The following NBEA variants were observed in gnomAD, a reference collection of about 807,000 sequenced individuals.
The protein encoded by NBEA is neurobeachin.
A neutral mutation model predicts 343.4 loss-of-function variants in NBEA; 44 were observed. The ratio of observed to expected loss-of-function variants is 0.13; its 90% CI spans 0.10 to 0.16. NBEA has a LOEUF of 0.16. Among genes scored for constraint, NBEA ranks in the 10% least tolerant of loss-of-function variants. The probability of loss-of-function intolerance (pLI) is 1.00; values close to 1 mark genes in which losing one functional copy is unlikely to be tolerated. For synonymous variants in NBEA, 1,175 were observed against 1,238.7 expected (o/e 0.95, Z 1.08); for missense variants, 2,555 against 3,631.3 (o/e 0.70, Z 7.62).
intron 39 of NBEA, among the ~76,000 whole-genome samples, chr13:35,447,345 AT>A (rs2046096391): frequency 6.6e-6 from 1 of 152,158 alleles, no homozygotes; most frequent in Admixed American, 6.5e-5. Flanking sequence ...TACTAGAAAC[AT>A]TTTAGTTCTG....
intron 13 of NBEA, among the ~76,000 whole-genome samples, chr13:35,113,102 G>A (rs1307849690): frequency 3.3e-5 from 5 of 152,064 alleles, no homozygotes; most frequent in African/African-American, 1.2e-4. Flanking sequence ...TAGTTTTTTA[G>A]TATTTCCTTG....
At chr13:35,539,915 CAAAAAAAAA>C (rs71081262) in intron 41 of NBEA, among the ~76,000 whole-genome samples, 23 of 39,614 alleles carry the variant, frequency 5.8e-4, no homozygotes, top group African/African-American at 2.5e-3. Context: ...GACTCCGTCT[CAAAAAAAAA>C]AAAAAAAAAA....
intron 38 of NBEA, among the ~76,000 whole-genome samples, chr13:35,409,928 G>A (rs1046052844): frequency 6.6e-6 from 1 of 151,956 alleles, no homozygotes; most frequent in Non-Finnish European, 1.5e-5. Flanking sequence ...TAATTATTAA[G>A]TATAGGTTAT....
chr13:34,955,307 A>G (rs535291358), intron 1 of NBEA, among the ~76,000 whole-genome samples: 20 of 152,138 alleles, frequency 1.3e-4, no homozygotes, highest in South Asian at 6.2e-4. Flanking sequence ...GCTAGAGTCA[A>G]GATACTTCTT....
Position 35,032,444 on chromosome 13 carries a change from G to A in NBEA, c.295-8489G>A, listed in dbSNP as rs183048326. 1.7e-3 allele frequency among the ~76,000 whole-genome samples: 257 copies of A among 151,884 alleles called. 1 individual carries two copies. Among genetic ancestry groups the A allele is most frequent in the Admixed American group, 4.7e-3 (72 of 15,230 alleles). ...TCATAAGCTTGTTGGCCACACTTATGTCTTCTTTTGAAAAGTGTCTGTTCA... is the reference window on the plus strand; with the variant it reads ...TCATAAGCTTGTTGGCCACACTTATATCTTCTTTTGAAAAGTGTCTGTTCA... On this transcript the variant is annotated intron_variant, in intron 1 of 58. Coordinates refer to ENST00000379939, the MANE Select transcript of NBEA (RefSeq NM_001385012.1).
At chr13:35,343,506 A>G (rs543599741) in intron 36 of NBEA, among the ~76,000 whole-genome samples, 72 of 152,220 alleles carry the variant, frequency 4.7e-4, no homozygotes, top group African/African-American at 1.5e-3. Context: ...GGGGTCCCCA[A>G]TCCCTGGGCC....
chr13:35,045,515 T>A, intron 4 of NBEA, 114 bp downstream of exon 4: 1 of 793,004 alleles, frequency 1.3e-6, no homozygotes. Context: ...ACTTGATGAG[T>A]TTGGAAGTCA....
intron 41 of NBEA, among the ~76,000 whole-genome samples, chr13:35,544,569 A>G (rs2078983018): frequency 6.6e-6 from 1 of 152,212 alleles, no homozygotes; most frequent in African/African-American, 2.4e-5. Flanking sequence ...TAGGTGGTTT[A>G]CAAGGGATTT....
At chr13:35,183,940 GC>G in intron 29 of NBEA, 35 bp from the exon 30 acceptor site, 1 of 1,526,392 alleles carries the variant, frequency 6.6e-7, no homozygotes, top group Non-Finnish European at 9.0e-7. Context: ...GTTGTTACAT[GC>G]TGGCTCAAAT....
intron 34 of NBEA, among the ~76,000 whole-genome samples, chr13:35,256,756 A>G (rs556384497): frequency 2.0e-5 from 3 of 152,216 alleles, no homozygotes; most frequent in African/African-American, 4.8e-5. Context: ...GGTCGTGACA[A>G]TGCCTGGGTG....
chr13:35,334,247 A>T (rs2039108058), intron 36 of NBEA, among the ~76,000 whole-genome samples: 2 of 152,080 alleles, frequency 1.3e-5, no homozygotes, highest in Non-Finnish European at 1.5e-5. Context: ...TTTAACTGGC[A>T]TGAGATGGTA....
rs1036722535 is a variant in NBEA, at chr13:35,232,247, C to G, written c.5649-245C>G. Among the ~76,000 whole-genome samples, 11 of 152,230 alleles carry G rather than the reference C, an allele frequency of 7.2e-5. No homozygotes were observed. In the Middle Eastern group the frequency reaches 0.01, roughly 141 times the overall value. On this transcript the variant is annotated intron_variant, in intron 33 of 58. Transcript: ENST00000379939. The stretch of plus-strand genomic sequence containing the variant: ...ATAGAGCGGTGGACAGTCTTTGGCC[C>G]TTTCGGGTGGCATAACCCCAATTCT...
intron 36 of NBEA, among the ~76,000 whole-genome samples, chr13:35,335,794 C>T (rs1376083947): frequency 6.6e-6 from 1 of 151,938 alleles, no homozygotes; most frequent in Non-Finnish European, 1.5e-5. Context: ...TTGGGAGGAA[C>T]AGCTTGGAAA....
At chr13:34,962,232 AAT>A (rs750450081) in intron 1 of NBEA, among the ~76,000 whole-genome samples, 3 of 152,002 alleles carry the variant, frequency 2.0e-5, no homozygotes, top group Non-Finnish European at 4.4e-5. Context: ...AAGAAACTAA[AAT>A]ATATTCTAGC....
At chr13:35,535,449 G>A (rs1403067488) in intron 41 of NBEA, among the ~76,000 whole-genome samples, 1 of 152,200 alleles carries the variant, frequency 6.6e-6, no homozygotes, top group Non-Finnish European at 1.5e-5. Flanking sequence ...CACAGAACCA[G>A]AGACTGGATC....
intron 31 of NBEA, among the ~76,000 whole-genome samples, chr13:35,206,010 G>A (rs2152748891): frequency 6.6e-6 from 1 of 152,112 alleles, no homozygotes; most frequent in Non-Finnish European, 1.5e-5. Flanking sequence ...AGAATTCTGT[G>A]CCATACTGTC....
rs925555345 is a variant in NBEA, at chr13:35,155,656, A to T, written c.2446-118A>T. ...AAAGAAAAAAGTCCCTTTAGAAGAG[A>T]TGTTTCTTTTGGTTTGGACTGCATT... On this transcript the variant is annotated intron_variant, in intron 18 of 58. Transcript: ENST00000379939. The T allele has an allele frequency of 7.0e-6, 5 of 712,128 alleles. No homozygotes were observed. In the African/African-American group the frequency reaches 9.0e-5, roughly 13 times the overall value. The allele number at this position is 712,128 out of a possible 1,614,324, so 44.1% of individuals were successfully genotyped here. A position where few individuals can be genotyped will look rare whatever the true frequency, so the allele number is the denominator to read the frequency against.
At chr13:35,118,163 A>G in intron 14 of NBEA, 65 bp from the exon 15 acceptor site, 2 of 1,050,130 alleles carry the variant, frequency 1.9e-6, no homozygotes, top group Non-Finnish European at 1.3e-6. Flanking sequence ...GATTATTTTG[A>G]CATCTTTTTT....
chr13:34,958,137 A>G lies in NBEA; in HGVS notation c.294+15023A>G, dbSNP rs943804335. On this transcript the variant is annotated intron_variant, in intron 1 of 58. Coordinates refer to ENST00000379939, the MANE Select transcript of NBEA (RefSeq NM_001385012.1). Reference sequence around the variant, plus strand: ...AAATAAAGCATACTTATTAAAATTCATTTTACCTGTTTATATTTCTTTTAA... The same window carrying G: ...AAATAAAGCATACTTATTAAAATTCGTTTTACCTGTTTATATTTCTTTTAA... 6.6e-5 allele frequency among the ~76,000 whole-genome samples: 10 copies of G among 152,172 alleles called. No individual in the cohort carries two copies. In the East Asian group the frequency reaches 1.2e-3, roughly 18 times the overall value.
Sources: gnomAD v4.1 joint callset for allele counts (sites outside exome capture counted in the v4.1 genomes callset) on GRCh38, gnomAD v4.1.1 for gene constraint, MANE v1.5 for transcripts, NCBI Gene and HGNC (gene_info 2026-07-23, HGNC 2026-07-21) for gene names.